NFATC3: variants seen among roughly 807,000 people sequenced by gnomAD.
The protein encoded by NFATC3 is nuclear factor of activated T-cells, cytoplasmic 3.
In NFATC3, 46 loss-of-function variants were observed where a neutral mutation model predicts 98.6. The ratio of observed to expected loss-of-function variants is 0.47; its 90% CI spans 0.37 to 0.60. The LOEUF (loss-of-function observed/expected upper bound fraction) is 0.60, where lower values mean the gene tolerates loss of function less well. NFATC3 is among the 20% of genes least tolerant of loss of function. NFATC3 has a pLI of 0.00. For missense variants in NFATC3, 1,256 were observed against 1,295.5 expected (o/e 0.97, Z 0.47); for synonymous variants, 512 against 472.2 (o/e 1.08, Z -1.09).
intron 1 of NFATC3, chr16:68,088,674 C>G (rs1456735822): frequency 1.3e-5 from 2 of 152,032 alleles, no homozygotes; most frequent in African/African-American, 4.8e-5. Context: ...GTTGGGATTA[C>G]AGTGGTGTGC....
chr16:68,172,009 G>C (rs565593767), intron 5 of NFATC3, among the ~76,000 whole-genome samples: 18 of 151,710 alleles, frequency 1.2e-4, no homozygotes, highest in African/African-American at 3.6e-4. Context: ...CTACAGGTAC[G>C]TTCTAAGTAA....
intron 3 of NFATC3, among the ~76,000 whole-genome samples, chr16:68,136,901 A>G (rs1251171490): frequency 6.6e-6 from 1 of 152,156 alleles, no homozygotes; most frequent in Non-Finnish European, 1.5e-5. Flanking sequence ...ACTTAAGAAA[A>G]TATGGTATAA....
chr16:68,120,035 T>C (rs527990798), intron 1 of NFATC3, among the ~76,000 whole-genome samples: 1 of 148,900 alleles, frequency 6.7e-6, no homozygotes, highest in South Asian at 2.1e-4. Flanking sequence ...CCCAGCACTT[T>C]GGGAGGCTGG....
chr16:68,174,308 T>G, intron 5 of NFATC3, 66 bp from the exon 6 acceptor site: 2 of 1,220,342 alleles, frequency 1.6e-6, no homozygotes, highest in Admixed American at 5.9e-5. Context: ...AGTTTGTCAT[T>G]TATGTATCAA....
chr16:68,214,230 C>T, intron 9 of NFATC3: 1 of 807,164 alleles, frequency 1.2e-6, no homozygotes. Flanking sequence ...AGTTAAATTC[C>T]TTTTGATTAT....
At chr16:68,221,490 CAAGTCCCCAA>C (rs2041863653) in intron 9 of NFATC3, 1 of 1,278,346 alleles carries the variant, frequency 7.8e-7, no homozygotes. Context: ...GTCATTGTTC[CAAGTCCCCAA>C]ATTGTTTTAA....
intron 6 of NFATC3, among the ~76,000 whole-genome samples, chr16:68,175,674 C>T (rs1165934061): frequency 1.3e-5 from 2 of 151,920 alleles, no homozygotes; most frequent in African/African-American, 2.4e-5. Flanking sequence ...ATTCTCCTGC[C>T]TCAGCCTCCC....
intron 3 of NFATC3, among the ~76,000 whole-genome samples, chr16:68,153,962 G>A (rs1198298448): frequency 2.0e-5 from 3 of 152,028 alleles, no homozygotes; most frequent in Non-Finnish European, 4.4e-5. Context: ...TGTCACCCAG[G>A]CTGGAGTTTA....
At chr16:68,144,625 G>A (rs1046187911) in intron 3 of NFATC3, among the ~76,000 whole-genome samples, 2 of 151,722 alleles carry the variant, frequency 1.3e-5, no homozygotes, top group Admixed American at 6.6e-5. Context: ...GATTACAGGC[G>A]TGAGCCACTG....
chr16:68,213,938 A>G (rs1185876902), intron 9 of NFATC3, among the ~76,000 whole-genome samples: 1 of 152,246 alleles, frequency 6.6e-6, no homozygotes, highest in African/African-American at 2.4e-5. Flanking sequence ...TTTATAAAAC[A>G]TTCAGGAGTT....
chr16:68,213,587 G>A (rs1459280814), intron 9 of NFATC3, among the ~76,000 whole-genome samples: 1 of 152,056 alleles, frequency 6.6e-6, no homozygotes, highest in Admixed American at 6.6e-5. Flanking sequence ...TAGCACTTTG[G>A]GAGGCCTAGG....
chr16:68,175,026 G>A (rs2039623194), intron 6 of NFATC3, among the ~76,000 whole-genome samples: 1 of 152,112 alleles, frequency 6.6e-6, no homozygotes, highest in Non-Finnish European at 1.5e-5. Context: ...CAACCTAAAT[G>A]CTCACCAACT....
At chr16:68,158,202 A>G in intron 4 of NFATC3, 134 bp downstream of exon 4, 1 of 606,328 alleles carries the variant, frequency 1.6e-6, no homozygotes, top group Non-Finnish European at 2.7e-6. Context: ...CATTTAGTAC[A>G]TTTTCTAAGA....
intron 1 of NFATC3, among the ~76,000 whole-genome samples, chr16:68,115,188 C>T (rs2036209429): frequency 6.6e-6 from 1 of 152,138 alleles, no homozygotes; most frequent in African/African-American, 2.4e-5. Flanking sequence ...CCTCAGCCTC[C>T]CAAGTAGCTG....
chr16:68,124,447 TTA>T (rs1274229605), intron 2 of NFATC3, among the ~76,000 whole-genome samples: 1 of 149,140 alleles, frequency 6.7e-6, no homozygotes. Flanking sequence ...TTTTTTTTTT[TTA>T]AGAGATGGAG....
chr16:68,214,509 G>C, intron 9 of NFATC3: 1 of 1,259,084 alleles, frequency 7.9e-7, no homozygotes, highest in Middle Eastern at 1.9e-4. Context: ...ATTTGCATGT[G>C]CTACAGAGGA....
intron 9 of NFATC3, among the ~76,000 whole-genome samples, chr16:68,210,365 G>C (rs2041333190): frequency 6.6e-6 from 1 of 151,994 alleles, no homozygotes; most frequent in Non-Finnish European, 1.5e-5. Context: ...CAAATACTTG[G>C]GAAGCTGAAG....
chr16:68,111,677 G>A (rs2035954458), intron 1 of NFATC3, among the ~76,000 whole-genome samples: 1 of 152,104 alleles, frequency 6.6e-6, no homozygotes, highest in South Asian at 2.1e-4. Flanking sequence ...AATGCTGGCT[G>A]GTTATTTTGC....
intron 8 of NFATC3, among the ~76,000 whole-genome samples, chr16:68,187,956 A>G (rs940288915): frequency 3.3e-5 from 5 of 151,990 alleles, no homozygotes; most frequent in African/African-American, 4.8e-5. Flanking sequence ...CATGGTGCCC[A>G]GGTTGTTTCT....
Sources: gnomAD v4.1 joint callset for allele counts (sites outside exome capture counted in the v4.1 genomes callset) on GRCh38, gnomAD v4.1.1 for gene constraint, MANE v1.5 for transcripts, NCBI Gene and HGNC (gene_info 2026-07-23, HGNC 2026-07-21) for gene names.